The following CACNA1G variants were observed in gnomAD, a reference collection of about 807,000 sequenced individuals.
CACNA1G encodes the protein voltage-dependent T-type calcium channel subunit alpha-1G.
Under a neutral mutation model 219.4 loss-of-function variants are expected in CACNA1G, and 67 were observed. That is an observed-to-expected ratio of 0.31 (90% CI 0.25 to 0.37). CACNA1G has a LOEUF of 0.37. Ranked by LOEUF, CACNA1G falls within the 10% of genes least tolerant of loss-of-function variation. CACNA1G has a pLI of 1.00. For synonymous variants in CACNA1G, 1,296 were observed against 1,345.3 expected (o/e 0.96, Z 0.80); for missense variants, 2,380 against 3,231.4 (o/e 0.74, Z 6.39).
intron 26 of CACNA1G, among the ~76,000 whole-genome samples, chr17:50,613,488 T>A (rs1351371883): frequency 6.6e-6 from 1 of 152,046 alleles, no homozygotes; most frequent in Non-Finnish European, 1.5e-5. Context: ...AGACTCCTAG[T>A]GCAAGGCCAG....
intron 2 of CACNA1G, 43 bp downstream of exon 2, chr17:50,569,024 TTG>T: frequency 6.8e-7 from 1 of 1,479,688 alleles, no homozygotes. Flanking sequence ...GTTGTGTGTG[TTG>T]GGGGTTGGCC....
Position 50,569,227 on chromosome 17 carries a change from G to A in CACNA1G, c.417G>A (p.Leu139=). 6.2e-7 allele frequency: 1 copy of A among 1,613,860 alleles called. No homozygotes were observed. The highest frequency in any genetic ancestry group is 1.3e-5 in the African/African-American group (1 of 75,016). The change falls in exon 3 of 38, where the codon TTG becomes TTA. Residue 139 remains leucine, a synonymous_variant. Transcript: ENST00000359106. ...AGATGGTGGTGAAGATGGTGGCCTT[G>A]GGCATCTTTGGGAAAAAGTGTTACC... ...AVEMVVKMVA[L]GIFGKKCYLG...
chr17:50,606,174 G>A (rs747883982), intron 23 of CACNA1G, 151 bp downstream of exon 23: 13 of 1,114,970 alleles, frequency 1.2e-5, no homozygotes, highest in Admixed American at 1.7e-5. Context: ...CCAGCATGTC[G>A]CAAAGCCCAG....
Position 50,605,831 on chromosome 17 carries a change from G to A in CACNA1G, c.4297-67G>A. 1.9e-6 allele frequency: 3 copies of A among 1,577,116 alleles called. No individual in the cohort carries two copies. In the South Asian group the frequency reaches 3.4e-5, roughly 18 times the overall value. Reference sequence around the variant, plus strand: ...GTGCCCAGGCTGGCGTGGGGGTGGGGCTCAGGAGTCCTGGGCTTCCTGTGG... The same window carrying A: ...GTGCCCAGGCTGGCGTGGGGGTGGGACTCAGGAGTCCTGGGCTTCCTGTGG... On this transcript the variant is annotated intron_variant, in intron 22 of 37. Coordinates refer to ENST00000359106, the MANE Select transcript of CACNA1G (RefSeq NM_018896.5).
At chr17:50,606,596 C>T (rs550610929) in intron 23 of CACNA1G, 36 of 538,988 alleles carry the variant, frequency 6.7e-5, no homozygotes, top group African/African-American at 4.0e-4. Context: ...TGAAATTGCT[C>T]GCTCAGTTTT....
Position 50,618,171 on chromosome 17 carries a change from A to T in CACNA1G, c.5305+45A>T, listed in dbSNP as rs1289288606. On this transcript the variant is annotated intron_variant, in intron 31 of 37. Transcript: ENST00000359106. The surrounding 1 kb of genome is among the most constrained non-coding windows in gnomAD (Gnocchi z 5.3). ...GGTGGAGGAGCCAGGGCTGGAGACC[A>T]GGGGGCTCCTGGACTAACATGGGCC... The T allele has an allele frequency of 6.2e-7, 1 of 1,612,884 alleles. No individual in the cohort carries two copies.
At chr17:50,624,653 T>C (rs1174405739) in intron 37 of CACNA1G, 124 bp downstream of exon 37, 3 of 1,002,868 alleles carry the variant, frequency 3.0e-6, no homozygotes, top group Non-Finnish European at 2.9e-6. Context: ...TGTGCCAGGC[T>C]CAGTTGCAGA....
At chr17:50,614,844 C>T (rs535845984) in intron 26 of CACNA1G, among the ~76,000 whole-genome samples, 1 of 152,330 alleles carries the variant, frequency 6.6e-6, no homozygotes, top group African/African-American at 2.4e-5. Flanking sequence ...GTGCAGCCAG[C>T]CAAGAAGATG....
rs1205414703 is a variant in CACNA1G, at chr17:50,569,799, G to A, written c.582G>A (p.Val194=). The change falls in exon 4 of 38, where the codon GTG becomes GTA. Residue 194 remains valine (V), a synonymous_variant. Coordinates refer to ENST00000359106, the MANE Select transcript of CACNA1G (RefSeq NM_018896.5). ...VLRPLRAINR[V]PSMRILVTLL... The stretch of plus-strand genomic sequence containing the variant: ...GACCGCTCAGGGCCATTAACCGGGT[G>A]CCCAGTGAGTGACCCCTCAGCCCTC... The A allele has an allele frequency of 6.5e-7, 1 of 1,549,562 alleles. No homozygotes were observed.
Position 50,570,557 on chromosome 17 carries a change from C to CTGTG in CACNA1G, c.586+783_586+786dup, listed in dbSNP as rs3062844. Among the ~76,000 whole-genome samples the CTGTG allele has an allele frequency of 3.2e-3, 422 of 132,682 alleles. 2 individuals are homozygous for CTGTG. Among genetic ancestry groups the CTGTG allele is most frequent in the South Asian group, 0.015 (53 of 3,612 alleles). 87.0% of individuals were successfully genotyped at this position (132,682 alleles called of 152,430 possible). A position where few individuals can be genotyped will look rare whatever the true frequency, so the allele number is the denominator to read the frequency against. ...TGATGTAGCAGCAGCCCCCTGCGCT[C>CTGTG]TGTGTGTGTGTGTGTGTGTGTGTGT... On this transcript the variant is annotated intron_variant, in intron 4 of 37. Coordinates refer to ENST00000359106, the MANE Select transcript of CACNA1G (RefSeq NM_018896.5).
intron 1 of CACNA1G, among the ~76,000 whole-genome samples, chr17:50,566,973 C>G (rs2038057560): frequency 6.6e-6 from 1 of 152,256 alleles, no homozygotes; most frequent in African/African-American, 2.4e-5. Flanking sequence ...CTCACTGGGG[C>G]TCCTTCCAGA....
chr17:50,598,167 A>G (rs1325093928), intron 16 of CACNA1G, among the ~76,000 whole-genome samples: 2 of 152,214 alleles, frequency 1.3e-5, no homozygotes, highest in Non-Finnish European at 2.9e-5. Context: ...AGCTGAGATT[A>G]TAGGCATGTG....
intron 16 of CACNA1G, among the ~76,000 whole-genome samples, chr17:50,598,023 T>TTTTC (rs1340912783): frequency 6.2e-4 from 94 of 152,284 alleles, no homozygotes; most frequent in South Asian, 2.7e-3. Flanking sequence ...GTATGCCATA[T>TTTTC]TTTCTTTCTT....
intron 9 of CACNA1G, among the ~76,000 whole-genome samples, chr17:50,582,566 G>A (rs188579993): frequency 2.6e-5 from 4 of 152,104 alleles, no homozygotes; most frequent in Non-Finnish European, 5.9e-5. Context: ...GCAGGCTGTC[G>A]GAGCTCAGAA....
chr17:50,560,747 G>T lies in CACNA1G; in HGVS notation c.-713G>T, dbSNP rs970786411. 4.6e-5 allele frequency among the ~76,000 whole-genome samples: 7 copies of T among 152,186 alleles called. No homozygotes were observed. The highest frequency in any genetic ancestry group is 1.3e-4 in the Admixed American group (2 of 15,282). On this transcript the variant is annotated 5_prime_UTR_variant, in exon 1 of 38. Transcript: ENST00000359106. Reference sequence around the variant, plus strand: ...GGGCTCCTCGCCGCCGCTTTCGCTCGCTCGCTCCGCGTCTCGGCCGGAGGA... The same window carrying T: ...GGGCTCCTCGCCGCCGCTTTCGCTCTCTCGCTCCGCGTCTCGGCCGGAGGA...
In CACNA1G at chr17:50,571,146, A is replaced by G. The variant is rs1351399865; in HGVS notation, c.587-732A>G. 1.3e-5 allele frequency among the ~76,000 whole-genome samples: 2 copies of G among 152,180 alleles called. No individual in the cohort carries two copies. The highest frequency in any genetic ancestry group is 4.8e-5 in the African/African-American group (2 of 41,442). On this transcript the variant is annotated intron_variant, in intron 4 of 37. Coordinates refer to ENST00000359106, the MANE Select transcript of CACNA1G (RefSeq NM_018896.5). The surrounding 1 kb of genome is among the most constrained non-coding windows in gnomAD (Gnocchi z 4.3). ...TCCCTATGGAGGGGGTTGTAAATTG[A>G]TGGACTTCTGAGAAGACAGTATTGT...
chr17:50,585,317 C>G (rs1252607945), intron 9 of CACNA1G, among the ~76,000 whole-genome samples: 2 of 152,110 alleles, frequency 1.3e-5, no homozygotes, highest in African/African-American at 4.8e-5. Context: ...GGCTATAGCT[C>G]CAGAATTTTA....
chr17:50,605,496 C>T (rs1038585684), intron 22 of CACNA1G, among the ~76,000 whole-genome samples: 4 of 152,306 alleles, frequency 2.6e-5, no homozygotes, highest in African/African-American at 9.6e-5. Context: ...ATCACCAGAA[C>T]GGCTTGTTAA....
In CACNA1G at chr17:50,560,895, A is replaced by G. The variant is rs1336473504; in HGVS notation, c.-565A>G. 6.7e-6 allele frequency among the ~76,000 whole-genome samples: 1 copy of G among 149,724 alleles called. No homozygotes were observed. The highest frequency in any genetic ancestry group is 1.5e-5 in the Non-Finnish European group (1 of 67,232). ...CACTGTCTCCCCGCCCCTCCCGGAC[A>G]GTGAGCCCGCGGCGGGGCGGGGGAA... On this transcript the variant is annotated 5_prime_UTR_variant, in exon 1 of 38. Coordinates refer to ENST00000359106, the MANE Select transcript of CACNA1G (RefSeq NM_018896.5).
Sources: allele counts gnomAD v4.1 joint callset (sites outside exome capture counted in the v4.1 genomes callset), GRCh38; gene constraint gnomAD v4.1.1; non-coding constraint Gnocchi (gnomAD v3.1); transcripts MANE v1.5; gene names NCBI Gene and HGNC (gene_info 2026-07-23, HGNC 2026-07-21).